DUSP10: variants seen among roughly 807,000 people sequenced by gnomAD.
DUSP10 encodes dual specificity protein phosphatase 10.
Under a neutral mutation model 30.8 loss-of-function variants are expected in DUSP10, and 14 were observed. That is an observed-to-expected ratio of 0.46 (90% CI 0.30 to 0.71). The LOEUF is 0.71. DUSP10 is among the 30% of genes least tolerant of loss of function. The pLI, the probability that DUSP10 is intolerant of heterozygous loss-of-function variation, is 0.08. For synonymous variants in DUSP10, 254 were observed against 250.4 expected (o/e 1.01, Z -0.14); for missense variants, 550 against 619.4 (o/e 0.89, Z 1.19).
At chr1:221,718,988 G>A (rs1661199922) in intron 2 of DUSP10, among the ~76,000 whole-genome samples, 1 of 152,230 alleles carries the variant, frequency 6.6e-6, no homozygotes, top group African/African-American at 2.4e-5. Context: ...TTACACAGGT[G>A]AAGCCTGGAT....
chr1:221,729,601 CAT>C (rs1661522552), intron 2 of DUSP10, among the ~76,000 whole-genome samples: 1 of 152,190 alleles, frequency 6.6e-6, no homozygotes, highest in African/African-American at 2.4e-5. Flanking sequence ...AAATAAGACA[CAT>C]ATATGACAGC....
At chr1:221,714,679 T>C (rs77762042) in intron 2 of DUSP10, among the ~76,000 whole-genome samples, 4,707 of 152,262 alleles carry the variant, frequency 0.031, 273 homozygotes, top group African/African-American at 0.11. Flanking sequence ...TCGGCCTTTT[T>C]CCTCTGGGAA....
chr1:221,702,142 A>T lies in DUSP10; in HGVS notation c.*270T>A. 1 of 412,636 alleles carries T rather than the reference A, an allele frequency of 2.4e-6. No individual in the cohort carries two copies. Among genetic ancestry groups the T allele is most frequent in the Non-Finnish European group, 4.4e-6 (1 of 228,336 alleles). The allele number at this position is 412,636 out of a possible 1,614,324, so 25.6% of individuals were successfully genotyped here. On this transcript the variant is annotated 3_prime_UTR_variant, in exon 4 of 4. Transcript: ENST00000366899. This position sits in a 1 kb window ranked among gnomAD's most constrained non-coding sequence, Gnocchi z 4.5. The stretch of plus-strand genomic sequence containing the variant: ...ATAGCTTAAAAGGAAAAGGGGGAGA[A>T]ACAAGTTGTATTATATTTTTATTGT...
chr1:221,713,290 T>A (rs1366019033), intron 2 of DUSP10, among the ~76,000 whole-genome samples: 4 of 152,204 alleles, frequency 2.6e-5, no homozygotes, highest in African/African-American at 9.6e-5. Flanking sequence ...CTACACTCCA[T>A]CACTGCCGGA....
intron 3 of DUSP10, among the ~76,000 whole-genome samples, chr1:221,704,885 C>G (rs1036012223): frequency 1.3e-5 from 2 of 152,136 alleles, no homozygotes; most frequent in African/African-American, 4.8e-5. Flanking sequence ...TACAGCAAAT[C>G]CACCAGACCC....
At chr1:221,732,816 C>T (rs1661656879) in intron 2 of DUSP10, among the ~76,000 whole-genome samples, 1 of 152,162 alleles carries the variant, frequency 6.6e-6, no homozygotes, top group Admixed American at 6.5e-5. Flanking sequence ...TTTAATCAGG[C>T]TTTCTGGACA....
chr1:221,724,126 C>G (rs1661354700), intron 2 of DUSP10, among the ~76,000 whole-genome samples: 1 of 152,196 alleles, frequency 6.6e-6, no homozygotes, highest in Admixed American at 6.5e-5. Flanking sequence ...CAGACAAATT[C>G]TCTATTATAC....
chr1:221,736,723 C>T (rs924347291), intron 2 of DUSP10: 4 of 869,924 alleles, frequency 4.6e-6, no homozygotes, highest in African/African-American at 3.7e-5. Flanking sequence ...CCAAAAGATA[C>T]CAAAATGATA....
intron 2 of DUSP10, among the ~76,000 whole-genome samples, chr1:221,709,226 T>A (rs985613118): frequency 6.6e-6 from 1 of 152,144 alleles, no homozygotes; most frequent in Non-Finnish European, 1.5e-5. Flanking sequence ...AACTACTTTG[T>A]TTAAGGCCTT....
At chr1:221,704,780 T>C (rs1197848377) in intron 3 of DUSP10, among the ~76,000 whole-genome samples, 3 of 152,192 alleles carry the variant, frequency 2.0e-5, no homozygotes, top group Non-Finnish European at 4.4e-5. Flanking sequence ...GTGATCACCC[T>C]GAATTTCCTT....
chr1:221,736,857 C>A, intron 2 of DUSP10: 4 of 985,456 alleles, frequency 4.1e-6, no homozygotes, highest in Non-Finnish European at 4.8e-6. Flanking sequence ...ACCACCAGAG[C>A]ATCTTCCAAG....
At position 221,742,057 on chromosome 1, in the gene DUSP10, T is replaced by C. The variant is rs1052642072; in HGVS notation, c.-120A>G. 9.2e-5 allele frequency: 14 copies of C among 152,254 alleles called. No individual in the cohort carries two copies. Among genetic ancestry groups the C allele is most frequent in the Non-Finnish European group, 1.9e-4 (13 of 68,080 alleles). The allele number at this position is 152,254 out of a possible 1,614,324, so 9.4% of individuals were successfully genotyped here. ...ACTCGCACATTCAGCCCCCATTCAC[T>C]CGGCTTCATTGATCTCCAGCAGCAA... On this transcript the variant is annotated 5_prime_UTR_variant, in exon 1 of 4. Transcript: ENST00000366899.
chr1:221,737,982 A>G (rs1661830607), intron 2 of DUSP10, among the ~76,000 whole-genome samples: 1 of 152,224 alleles, frequency 6.6e-6, no homozygotes, highest in Non-Finnish European at 1.5e-5. Flanking sequence ...GAAGACGACT[A>G]TCTCTCACTA....
At chr1:221,708,511 AC>A (rs995276445) in intron 2 of DUSP10, among the ~76,000 whole-genome samples, 2 of 152,212 alleles carry the variant, frequency 1.3e-5, no homozygotes, top group African/African-American at 4.8e-5. Context: ...AGAAGTCAAA[AC>A]CTACCCTAGC....
intron 2 of DUSP10, among the ~76,000 whole-genome samples, chr1:221,737,813 A>T (rs139749908): frequency 7.9e-5 from 12 of 152,360 alleles, no homozygotes; most frequent in Non-Finnish European, 1.8e-4. Context: ...CCATAGAGAC[A>T]AAATAACTAA....
chr1:221,737,140 A>C, intron 2 of DUSP10: 1 of 985,400 alleles, frequency 1.0e-6, no homozygotes, highest in Non-Finnish European at 1.2e-6. Context: ...ACTGCAAAAT[A>C]GAGAGTAGGG....
chr1:221,702,200 A>C lies in DUSP10; in HGVS notation c.*212T>G. On this transcript the variant is annotated 3_prime_UTR_variant, in exon 4 of 4. Coordinates refer to ENST00000366899, the MANE Select transcript of DUSP10 (RefSeq NM_007207.6). The surrounding 1 kb of genome is among the most constrained non-coding windows in gnomAD (Gnocchi z 4.5). ...AAAAAATTACTTCTTTAACCTCCTTAATTTGTCAGTTTGTGGGAGGTGAAT... is the reference window on the plus strand; with the variant it reads ...AAAAAATTACTTCTTTAACCTCCTTCATTTGTCAGTTTGTGGGAGGTGAAT... The C allele has an allele frequency of 1.8e-6, 1 of 565,024 alleles. No individual in the cohort carries two copies. Among genetic ancestry groups the C allele is most frequent in the Admixed American group, 3.4e-5 (1 of 29,338 alleles). The allele number at this position is 565,024 out of a possible 1,614,324, so 35.0% of individuals were successfully genotyped here. A position where few individuals can be genotyped will look rare whatever the true frequency, so the allele number is the denominator to read the frequency against.
intron 2 of DUSP10, among the ~76,000 whole-genome samples, chr1:221,714,609 A>C (rs559555823): frequency 2.0e-5 from 3 of 152,280 alleles, no homozygotes; most frequent in Admixed American, 2.0e-4. Flanking sequence ...TGTGAGCCCT[A>C]TGTAAATCAG....
intron 2 of DUSP10, among the ~76,000 whole-genome samples, chr1:221,732,353 A>G (rs1188740023): frequency 6.6e-6 from 1 of 152,226 alleles, no homozygotes; most frequent in East Asian, 1.9e-4. Flanking sequence ...TAGGTTCCCC[A>G]GATGAAGAGA....
Sources: gnomAD v4.1 joint callset for allele counts (sites outside exome capture counted in the v4.1 genomes callset) on GRCh38, gnomAD v4.1.1 for gene constraint, Gnocchi (gnomAD v3.1) non-coding constraint, MANE v1.5 for transcripts, NCBI Gene and HGNC (gene_info 2026-07-23, HGNC 2026-07-21) for gene names.